Variants in PPP2R2A observed in about 807,000 individuals in gnomAD.
The protein encoded by PPP2R2A is serine/threonine-protein phosphatase 2A 55 kDa regulatory subunit B alpha isoform.
In PPP2R2A, 9 loss-of-function variants were observed where a neutral mutation model predicts 53.2. The observed-to-expected ratio is 0.17, with a 90% CI of 0.10 to 0.30. PPP2R2A has a LOEUF of 0.30. PPP2R2A is among the 10% of genes least tolerant of loss of function. The pLI, the probability that PPP2R2A is intolerant of heterozygous loss-of-function variation, is 1.00. For synonymous variants in PPP2R2A, 169 were observed against 174.2 expected (o/e 0.97, Z 0.23); for missense variants, 235 against 534.6 (o/e 0.44, Z 5.53).
rs1333031957 is a variant in PPP2R2A, at chr8:26,338,298, C to G, written c.83-592C>G. ...TAGAATCCATGTGACGTGACTGATTCTAGTGGTCCTGCAGTGTAGGGGAGC... is the reference window on the plus strand; with the variant it reads ...TAGAATCCATGTGACGTGACTGATTGTAGTGGTCCTGCAGTGTAGGGGAGC... On this transcript the variant is annotated intron_variant, in intron 2 of 9. Coordinates refer to ENST00000380737, the MANE Select transcript of PPP2R2A (RefSeq NM_002717.4). This position sits in a 1 kb window ranked among gnomAD's most constrained non-coding sequence, Gnocchi z 4.5. 6.6e-6 allele frequency among the ~76,000 whole-genome samples: 1 copy of G among 152,186 alleles called. No individual in the cohort carries two copies. Among genetic ancestry groups the G allele is most frequent in the Non-Finnish European group, 1.5e-5 (1 of 68,048 alleles).
At chr8:26,364,447 C>T (rs1159468460) in intron 8 of PPP2R2A, among the ~76,000 whole-genome samples, 1 of 152,172 alleles carries the variant, frequency 6.6e-6, no homozygotes, top group African/African-American at 2.4e-5. Flanking sequence ...CAGCCAGCCA[C>T]TACTGTTTAT....
At chr8:26,302,946 A>C (rs1801853886) in intron 2 of PPP2R2A, among the ~76,000 whole-genome samples, 1 of 152,248 alleles carries the variant, frequency 6.6e-6, no homozygotes, top group Admixed American at 6.5e-5. Flanking sequence ...TTAAGAGTTA[A>C]GGGGATCCTG....
At position 26,349,214 on chromosome 8, in the gene PPP2R2A, C is replaced by A. The variant is rs139592062; in HGVS notation, c.181-5254C>A. ...GTTCATTTAAGGGAAAATAATATTG[C>A]TTAGTTTTGGTGGGTGGGTAGATGT... On this transcript the variant is annotated intron_variant, in intron 3 of 9. Coordinates refer to ENST00000380737, the MANE Select transcript of PPP2R2A (RefSeq NM_002717.4). Among the ~76,000 whole-genome samples, 1,049 of 150,328 alleles carry A rather than the reference C, an allele frequency of 7.0e-3. 6 individuals are homozygous for A. Among genetic ancestry groups the A allele is most frequent in the Non-Finnish European group, 0.01 (699 of 67,100 alleles).
intron 2 of PPP2R2A, among the ~76,000 whole-genome samples, chr8:26,303,189 A>T (rs1304730708): frequency 2.0e-5 from 3 of 152,310 alleles, no homozygotes; most frequent in African/African-American, 7.2e-5. Flanking sequence ...AAGCTCCTTC[A>T]GCTGGTGATC....
intron 2 of PPP2R2A, among the ~76,000 whole-genome samples, chr8:26,296,910 C>T (rs927014812): frequency 2.0e-5 from 3 of 152,032 alleles, no homozygotes; most frequent in African/African-American, 7.2e-5. Flanking sequence ...GTTATACAAC[C>T]GTATAATGCA....
intron 2 of PPP2R2A, among the ~76,000 whole-genome samples, chr8:26,305,045 T>C (rs1801953509): frequency 6.6e-6 from 1 of 152,200 alleles, no homozygotes; most frequent in Admixed American, 6.5e-5. Flanking sequence ...CTTGCAAAAC[T>C]GAAACTCTAT....
At position 26,360,932 on chromosome 8, in the gene PPP2R2A, G is replaced by C. The variant is rs760698307; in HGVS notation, c.460-42G>C. ...TGAATCTTAATTGCTATTTGAAACT[G>C]AGCCTTTTGTAATTTCTGTTTTTCA... On this transcript the variant is annotated intron_variant, in intron 5 of 9. Transcript: ENST00000380737. The surrounding 1 kb of genome is among the most constrained non-coding windows in gnomAD (Gnocchi z 4.5). 4 of 1,543,292 alleles carry C rather than the reference G, an allele frequency of 2.6e-6. No homozygotes were observed. The South Asian group carries it at 4.9e-5, about 19-fold the overall frequency.
intron 3 of PPP2R2A, among the ~76,000 whole-genome samples, chr8:26,345,075 G>C (rs1804142768): frequency 6.6e-6 from 1 of 152,114 alleles, no homozygotes; most frequent in African/African-American, 2.4e-5. Flanking sequence ...CATGAGGCCA[G>C]GTGTGAAATT....
Position 26,321,908 on chromosome 8 carries a change from A to G in PPP2R2A, c.83-16982A>G, listed in dbSNP as rs907969269. ...TGTCAACATTTCCCCTCCTCGGTCT[A>G]AGATTTGAACTTGGTTCTAATGTGT... On this transcript the variant is annotated intron_variant, in intron 2 of 9. Coordinates refer to ENST00000380737, the MANE Select transcript of PPP2R2A (RefSeq NM_002717.4). The surrounding 1 kb of genome is among the most constrained non-coding windows in gnomAD (Gnocchi z 4.1). 6.6e-6 allele frequency among the ~76,000 whole-genome samples: 1 copy of G among 152,258 alleles called. No homozygotes were observed. Among genetic ancestry groups the G allele is most frequent in the Non-Finnish European group, 1.5e-5 (1 of 68,038 alleles).
At chr8:26,332,380 AG>A (rs1237312627) in intron 2 of PPP2R2A, among the ~76,000 whole-genome samples, 69 of 150,298 alleles carry the variant, frequency 4.6e-4, no homozygotes, top group Non-Finnish European at 9.0e-4. Flanking sequence ...AAAAAAAAAA[AG>A]AAGAAGATAC....
rs545058682 is a variant in PPP2R2A, at chr8:26,293,662, C to A, written c.8-4C>A. ...GTTTTAATTGGTATGTTTTCTTTTTCCAGGAGCTGGAGGAGGGAATGATAT... is the reference window on the plus strand; with the variant it reads ...GTTTTAATTGGTATGTTTTCTTTTTACAGGAGCTGGAGGAGGGAATGATAT... On this transcript the variant is annotated splice_polypyrimidine_tract_variant and splice_region_variant and intron_variant, in intron 1 of 9. Coordinates refer to ENST00000380737, the MANE Select transcript of PPP2R2A (RefSeq NM_002717.4). 1 of 1,607,176 alleles carries A rather than the reference C, an allele frequency of 6.2e-7. No individual in the cohort carries two copies. The highest frequency in any genetic ancestry group is 1.1e-5 in the South Asian group (1 of 89,592).
At chr8:26,296,530 G>A (rs1358446636) in intron 2 of PPP2R2A, among the ~76,000 whole-genome samples, 2 of 152,056 alleles carry the variant, frequency 1.3e-5, no homozygotes, top group Non-Finnish European at 2.9e-5. Flanking sequence ...TCCTCTTTTG[G>A]AAATAACCTA....
At chr8:26,363,987 G>A (rs1805244984) in intron 8 of PPP2R2A, 97 bp downstream of exon 8, 4 of 1,168,556 alleles carry the variant, frequency 3.4e-6, no homozygotes, top group Admixed American at 2.6e-5. Context: ...CCTGTATGGT[G>A]TTTGTTCACC....
chr8:26,339,196 AC>A (rs1343602826), intron 3 of PPP2R2A, among the ~76,000 whole-genome samples: 1 of 152,192 alleles, frequency 6.6e-6, no homozygotes, highest in Non-Finnish European at 1.5e-5. Flanking sequence ...TGGTTTAAAA[AC>A]ATAACACTAA....
At chr8:26,306,098 A>C (rs907686117) in intron 2 of PPP2R2A, among the ~76,000 whole-genome samples, 1 of 151,906 alleles carries the variant, frequency 6.6e-6, no homozygotes, top group Non-Finnish European at 1.5e-5. Flanking sequence ...GCTTGAACCC[A>C]GGAGTTAGAG....
chr8:26,359,305 A>G lies in PPP2R2A; in HGVS notation c.347-864A>G, dbSNP rs192925464. On this transcript the variant is annotated intron_variant, in intron 4 of 9. Transcript: ENST00000380737. Reference sequence around the variant, plus strand: ...TGTTGTTTGAATTCTGGAGCAGAAAAGGAATGTTAGTGGAAAACCTGGTTA... The same window carrying G: ...TGTTGTTTGAATTCTGGAGCAGAAAGGGAATGTTAGTGGAAAACCTGGTTA... Among the ~76,000 whole-genome samples, 8 of 152,326 alleles carry G rather than the reference A, an allele frequency of 5.3e-5. No individual in the cohort carries two copies. In the East Asian group the frequency reaches 1.5e-3, roughly 29 times the overall value.
intron 2 of PPP2R2A, among the ~76,000 whole-genome samples, chr8:26,337,152 A>G (rs973088549): frequency 6.6e-6 from 1 of 152,164 alleles, no homozygotes; most frequent in Admixed American, 6.5e-5. Context: ...TTCAGATGTG[A>G]GCATTTCACC....
rs763972265 is a variant in PPP2R2A, at chr8:26,371,107, T to A, written c.*694T>A. 4 of 152,510 alleles carry A rather than the reference T, an allele frequency of 2.6e-5. No homozygotes were observed. Among genetic ancestry groups the A allele is most frequent in the Admixed American group, 1.3e-4 (2 of 15,274 alleles). 9.4% of individuals were successfully genotyped at this position (152,510 alleles called of 1,614,324 possible). On this transcript the variant is annotated 3_prime_UTR_variant, in exon 10 of 10. Transcript: ENST00000380737. ...AAAATAAGGAAAAAAAACCTACTAC[T>A]GAATAAAAGTGACAAAGAATGGAGA...
intron 2 of PPP2R2A, among the ~76,000 whole-genome samples, chr8:26,310,340 T>C (rs1418690698): frequency 7.3e-6 from 1 of 137,110 alleles, no homozygotes; most frequent in Non-Finnish European, 1.5e-5. Flanking sequence ...GCCTGTATAA[T>C]CTCGCAATTT....
Sources: allele counts gnomAD v4.1 joint callset (sites outside exome capture counted in the v4.1 genomes callset), GRCh38; gene constraint gnomAD v4.1.1; non-coding constraint Gnocchi (gnomAD v3.1); transcripts MANE v1.5; gene names NCBI Gene and HGNC (gene_info 2026-07-23, HGNC 2026-07-21).